ATP7B: variants seen among roughly 807,000 people sequenced by gnomAD.
The protein encoded by ATP7B is copper-transporting ATPase 2.
A neutral mutation model predicts 118.9 loss-of-function variants in ATP7B; 113 were observed. The observed-to-expected ratio is 0.95, with a 90% confidence interval of 0.82 to 1.11. The LOEUF is 1.11. Ranked by LOEUF, ATP7B falls within the 50% of genes most tolerant of loss-of-function variation. The pLI, the probability that ATP7B is intolerant of heterozygous loss-of-function variation, is 0.00. For synonymous variants in ATP7B, 777 were observed against 727.4 expected, an observed-to-expected ratio of 1.07 and a Z score of -1.10; for missense variants, 1,867 against 1,871.4, an observed-to-expected ratio of 1.00 and a Z score of 0.04.
chr13:51,934,998 C>T lies in ATP7B; in HGVS notation c.4156G>A (p.Ala1386Thr). The T allele has an allele frequency of 1.2e-6, 2 of 1,614,036 alleles. No individual in the cohort carries two copies. Among genetic ancestry groups the T allele is most frequent in the South Asian group, 2.2e-5 (2 of 91,080 alleles). Residue 1386 changes from alanine (A) to threonine (T), a missense_variant, in exon 21 of 21, where the codon GCA becomes ACA. Ala to Thr is a moderately conservative substitution (Grantham distance 58). Transcript: ENST00000242839. ...GGCTTCATGTGGCCATGCGCCTGTG[C>T]CTCATACCTCTCCAGGTCAGGCTTC... is the stretch of plus-strand genomic sequence containing the variant. Reference protein sequence around the residue: ...YKKPDLERYEAQAHGHMKPLT... With the variant: ...YKKPDLERYETQAHGHMKPLT...
chr13:51,989,928 G>T (rs1448250254), intron 1 of ATP7B, among the ~76,000 whole-genome samples: 1 of 151,996 alleles, frequency 6.6e-6, no homozygotes, highest in East Asian at 1.9e-4. Context: ...ATTGGTTTCT[G>T]CCTAGAATTA....
At chr13:51,958,812 T>C (rs1035115051) in intron 7 of ATP7B, 8 of 506,530 alleles carry the variant, frequency 1.6e-5, no homozygotes, top group Middle Eastern at 5.4e-4. Context: ...GGTGAAAAGT[T>C]GGGGAAAAAA....
rs770900174 is a variant in ATP7B, at chr13:51,934,855, C to G, written c.4299G>C (p.Leu1433=). The G allele has an allele frequency of 6.2e-7, 1 of 1,614,212 alleles. No homozygotes were observed. Among genetic ancestry groups the G allele is most frequent in the South Asian group, 1.1e-5 (1 of 91,082 alleles). Reference sequence around the variant, plus strand: ...TGTGCCGAGATGGCTTGTCGGACGTCAGGGAGGACAGCGACACCTGGCTGA... The same window carrying G: ...TGTGCCGAGATGGCTTGTCGGACGTGAGGGAGGACAGCGACACCTGGCTGA... The part of the protein sequence containing the change: ...SYVSQVSLSS[L]TSDKPSRHSA... Residue 1433 remains leucine, a synonymous_variant, in exon 21 of 21, where the codon CTG becomes CTC. Coordinates refer to ENST00000242839, the MANE Select transcript of ATP7B (RefSeq NM_000053.4).
chr13:51,973,862 CA>C, intron 2 of ATP7B, 72 bp downstream of exon 2: 1 of 1,605,972 alleles, frequency 6.2e-7, no homozygotes, highest in Admixed American at 1.7e-5. Flanking sequence ...TCACCTATAC[CA>C]CCATCCAGGA....
At chr13:51,949,072 T>C (rs1311072166) in intron 12 of ATP7B, among the ~76,000 whole-genome samples, 2 of 151,916 alleles carry the variant, frequency 1.3e-5, no homozygotes, top group Non-Finnish European at 2.9e-5. Context: ...CCCAGCTACT[T>C]GGGAGGCTGA....
At chr13:51,999,010 T>C (rs1953354506) in intron 1 of ATP7B, among the ~76,000 whole-genome samples, 2 of 152,230 alleles carry the variant, frequency 1.3e-5, no homozygotes, top group East Asian at 1.9e-4. Flanking sequence ...GCTGCATATG[T>C]TGGGTTCCCA....
chr13:51,944,819 TTAGTCAATGG>T (rs1424017613), intron 13 of ATP7B, among the ~76,000 whole-genome samples: 1 of 152,168 alleles, frequency 6.6e-6, no homozygotes, highest in East Asian at 1.9e-4. Context: ...TTGGTCACAC[TTAGTCAATGG>T]CAGTCTGCAG....
At position 51,939,125 on chromosome 13, in the gene ATP7B, G is replaced by A. The variant is rs61957448; in HGVS notation, c.3625C>T (p.Leu1209=). ...KQEAALAVHT[L]QSMGVDVVLI... ...ACCACGTCCACACCCATGCTCTGCA[G>A]CGTGTGCACAGCCAGGGCAGCCTCC... The change falls in exon 17 of 21, where the codon CTG becomes TTG. Residue 1209 remains leucine, a synonymous_variant. Coordinates refer to ENST00000242839, the MANE Select transcript of ATP7B (RefSeq NM_000053.4). 10 of 1,614,106 alleles carry A rather than the reference G, an allele frequency of 6.2e-6. No individual in the cohort carries two copies. The highest frequency in any genetic ancestry group is 8.5e-6 in the Non-Finnish European group (10 of 1,180,052).
At position 51,970,473 on chromosome 13, in the gene ATP7B, ATG is replaced by A. The variant is rs768330277; in HGVS notation, c.1543+17_1543+18del. ...TATACGCAGCATTCCTAAGTTCAAC[ATG>A]GGCGTTCATCTCTTACCAGCTTCTT... On this transcript the variant is annotated intron_variant, in intron 3 of 20. Coordinates refer to ENST00000242839, the MANE Select transcript of ATP7B (RefSeq NM_000053.4). 1.1e-5 allele frequency: 18 copies of A among 1,614,042 alleles called. No homozygotes were observed. The highest frequency in any genetic ancestry group is 1.5e-5 in the Non-Finnish European group (18 of 1,180,000).
chr13:51,955,257 G>A (rs1958264169), intron 9 of ATP7B, among the ~76,000 whole-genome samples: 1 of 152,308 alleles, frequency 6.6e-6, no homozygotes, highest in Non-Finnish European at 1.5e-5. Flanking sequence ...AGTGTCCAGT[G>A]CACCTCAAAG....
Position 51,934,588 on chromosome 13 carries a change from C to G in ATP7B, c.*168G>C, listed in dbSNP as rs1209933535. ...GCCGTCCTCTCCAGGCCAAGCCCAG[C>G]TGCACCCAGACAAGGCCGCGTGCTG... is the stretch of plus-strand genomic sequence containing the variant. On this transcript the variant is annotated 3_prime_UTR_variant, in exon 21 of 21. Coordinates refer to ENST00000242839, the MANE Select transcript of ATP7B (RefSeq NM_000053.4). The G allele has an allele frequency of 2.6e-6, 3 of 1,141,354 alleles. No individual in the cohort carries two copies. The highest frequency in any genetic ancestry group is 3.7e-6 in the Non-Finnish European group (3 of 800,704). 70.7% of individuals were successfully genotyped at this position (1,141,354 alleles called of 1,614,324 possible). A position where few individuals can be genotyped will look rare whatever the true frequency, so the allele number is the denominator to read the frequency against.
intron 1 of ATP7B, among the ~76,000 whole-genome samples, chr13:52,006,382 A>G (rs1035452777): frequency 1.3e-5 from 2 of 152,174 alleles, no homozygotes; most frequent in Admixed American, 1.3e-4. Flanking sequence ...GTAGGTACCA[A>G]CTGCACTCTG....
chr13:51,950,163 T>TAG lies in ATP7B; in HGVS notation c.2576-4_2576-3dup. The TAG allele has an allele frequency of 6.2e-7, 1 of 1,614,174 alleles. No individual in the cohort carries two copies. Among genetic ancestry groups the TAG allele is most frequent in the East Asian group, 2.2e-5 (1 of 44,878 alleles). ...TCTTAGTGACTGGCATGGCTTCTCCTAGACGTAGGAAAGAGACAACTGTCA... is the reference window on the plus strand; with the variant it reads ...TCTTAGTGACTGGCATGGCTTCTCCTAGAGACGTAGGAAAGAGACAACTGTCA... On this transcript the variant is annotated splice_region_variant and splice_polypyrimidine_tract_variant and intron_variant, in intron 10 of 20. Coordinates refer to ENST00000242839, the MANE Select transcript of ATP7B (RefSeq NM_000053.4).
At chr13:51,981,996 T>G (rs1232839921) in intron 1 of ATP7B, among the ~76,000 whole-genome samples, 1 of 145,336 alleles carries the variant, frequency 6.9e-6, no homozygotes, top group Admixed American at 7.3e-5. Flanking sequence ...GAGATTTTTT[T>G]GGGTGTGAAT....
chr13:52,001,433 T>C (rs892233870), intron 1 of ATP7B, among the ~76,000 whole-genome samples: 2 of 152,188 alleles, frequency 1.3e-5, no homozygotes, highest in African/African-American at 4.8e-5. Context: ...CTCACACTCC[T>C]GGCCCCTTAC....
intron 17 of ATP7B, among the ~76,000 whole-genome samples, chr13:51,938,153 C>T (rs1369965237): frequency 2.0e-5 from 3 of 152,164 alleles, no homozygotes; most frequent in Non-Finnish European, 2.9e-5. Flanking sequence ...TTCAGCTCCC[C>T]GCGGCATCTC....
intron 1 of ATP7B, among the ~76,000 whole-genome samples, chr13:52,002,180 AT>A (rs896688138): frequency 6.6e-6 from 1 of 152,140 alleles, no homozygotes; most frequent in African/African-American, 2.4e-5. Flanking sequence ...CTCAATAAGC[AT>A]TTGTTAAATG....
In ATP7B at chr13:51,974,455, A is replaced by G; in HGVS notation, c.765T>C (p.His255=). 6.2e-7 allele frequency: 1 copy of G among 1,614,036 alleles called. No individual in the cohort carries two copies. Among genetic ancestry groups the G allele is most frequent in the Non-Finnish European group, 8.5e-7 (1 of 1,180,000 alleles). Residue 255 remains histidine (H), a synonymous_variant, in exon 2 of 21, where the codon CAT becomes CAC. Coordinates refer to ENST00000242839, the MANE Select transcript of ATP7B (RefSeq NM_000053.4). ...CTATTCTCAGTTGGAGGGTGACCAC[A>G]TGGCTTCCTTGGTGCCCCAAGGTCT... ...NSETLGHQGS[H]VVTLQLRIDG...
intron 4 of ATP7B, among the ~76,000 whole-genome samples, chr13:51,967,648 CT>C (rs936492041): frequency 2.1e-4 from 32 of 152,256 alleles, no homozygotes; most frequent in Admixed American, 6.5e-5. Context: ...CCTCTGTGTC[CT>C]CAGTGCTTTC....
Sources: allele counts gnomAD v4.1 joint callset (sites outside exome capture counted in the v4.1 genomes callset), GRCh38; gene constraint gnomAD v4.1.1; transcripts MANE v1.5; gene names NCBI Gene and HGNC (gene_info 2026-07-23, HGNC 2026-07-21).